WFDC1: variants seen among roughly 807,000 people sequenced by gnomAD.
WFDC1 encodes the protein WAP four-disulfide core domain 1.
Under a neutral mutation model 32.9 loss-of-function variants are expected in WFDC1, and 39 were observed. The ratio of observed to expected loss-of-function variants is 1.19; its 90% CI spans 0.92 to 1.55. The LOEUF (loss-of-function observed/expected upper bound fraction) is 1.55. Ranked by LOEUF, WFDC1 falls within the 40% of genes most tolerant of loss-of-function variation. The pLI is 0.00. For synonymous variants in WFDC1, 184 were observed against 137.4 expected, an observed-to-expected ratio of 1.34 and a Z score of -2.37; for missense variants, 386 against 309.5, an observed-to-expected ratio of 1.25 and a Z score of -1.85.
chr16:84,313,480 G>A (rs388905), intron 2 of WFDC1, among the ~76,000 whole-genome samples: 105,185 of 152,112 alleles, frequency 0.69, 36,845 homozygotes, highest in East Asian at 0.98. Context: ...CCCATTCCCG[G>A]GAAAATGCCC....
chr16:84,325,046 T>C (rs1417822292), intron 5 of WFDC1, among the ~76,000 whole-genome samples: 1 of 151,970 alleles, frequency 6.6e-6, no homozygotes, highest in Non-Finnish European at 1.5e-5. Context: ...CATCTATCTT[T>C]TCACCCACCC....
At chr16:84,299,671 C>T (rs1906819357) in intron 1 of WFDC1, among the ~76,000 whole-genome samples, 1 of 152,218 alleles carries the variant, frequency 6.6e-6, no homozygotes, top group Non-Finnish European at 1.5e-5. Context: ...ACCATGCGGG[C>T]CTCGGTGCTA....
intron 1 of WFDC1, among the ~76,000 whole-genome samples, chr16:84,299,378 A>T (rs1173957819): frequency 6.6e-6 from 1 of 151,468 alleles, no homozygotes; most frequent in Non-Finnish European, 1.5e-5. Flanking sequence ...AAAACAAAAA[A>T]CAAAAAGCAA....
At chr16:84,327,169 G>T (rs1409492254) in intron 6 of WFDC1, 3 of 549,380 alleles carry the variant, frequency 5.5e-6, no homozygotes, top group Non-Finnish European at 9.8e-6. Flanking sequence ...TATATGCACT[G>T]TATGCCATAG....
At chr16:84,327,121 T>C (rs1908651356) in intron 6 of WFDC1, 166 bp downstream of exon 6, 4 of 647,926 alleles carry the variant, frequency 6.2e-6, no homozygotes, top group South Asian at 1.8e-5. Context: ...ACGTCATCAA[T>C]AGGTTCTTGG....
At chr16:84,327,623 T>C (rs540275964) in intron 6 of WFDC1, 2 of 152,402 alleles carry the variant, frequency 1.3e-5, no homozygotes, top group African/African-American at 4.8e-5. Flanking sequence ...TACTGCAATT[T>C]CAAGGCAGGA....
intron 5 of WFDC1, among the ~76,000 whole-genome samples, chr16:84,325,015 T>C (rs543528204): frequency 3.3e-5 from 5 of 151,448 alleles, no homozygotes; most frequent in African/African-American, 9.7e-5. Context: ...ATCCACCCAT[T>C]CATCCATCCA....
At chr16:84,312,651 T>C (rs1907700597) in intron 1 of WFDC1, among the ~76,000 whole-genome samples, 1 of 152,170 alleles carries the variant, frequency 6.6e-6, no homozygotes, top group Non-Finnish European at 1.5e-5. Flanking sequence ...ATATTATGTA[T>C]TATGTATCAT....
At chr16:84,314,692 C>T (rs950763797) in intron 2 of WFDC1, among the ~76,000 whole-genome samples, 2 of 152,332 alleles carry the variant, frequency 1.3e-5, no homozygotes, top group African/African-American at 2.4e-5. Flanking sequence ...AGGAACTGGC[C>T]GCTGCTCCAG....
chr16:84,308,992 G>A (rs1005540383), intron 1 of WFDC1, among the ~76,000 whole-genome samples: 1 of 152,346 alleles, frequency 6.6e-6, no homozygotes, highest in Admixed American at 6.5e-5. Context: ...TCTGTAGGGA[G>A]AAACTGATGC....
intron 4 of WFDC1, among the ~76,000 whole-genome samples, chr16:84,323,465 C>T (rs907972320): frequency 3.9e-5 from 6 of 152,184 alleles, no homozygotes; most frequent in East Asian, 3.8e-4. Flanking sequence ...GTGGGTAGCA[C>T]GGCTAGTCAT....
chr16:84,296,356 C>T (rs1906596690), intron 1 of WFDC1, among the ~76,000 whole-genome samples: 1 of 152,174 alleles, frequency 6.6e-6, no homozygotes, highest in South Asian at 2.1e-4. Flanking sequence ...ATGTGTGCCC[C>T]TGGTGCCTGC....
In WFDC1 at chr16:84,305,393, G is replaced by A. The variant is rs368964085; in HGVS notation, c.145-7568G>A. Among the ~76,000 whole-genome samples the A allele has an allele frequency of 5.3e-5, 8 of 152,234 alleles. No individual in the cohort carries two copies. In the East Asian group the frequency reaches 7.7e-4, roughly 15 times the overall value. On this transcript the variant is annotated intron_variant, in intron 1 of 6. Transcript: ENST00000219454. ...TTGCACATGCTGGGTGGCTGTTTCC[G>A]CATGGCCCCTTCTCTTAGGAACTCT...
intron 1 of WFDC1, among the ~76,000 whole-genome samples, chr16:84,309,598 G>A (rs866943203): frequency 6.6e-6 from 1 of 152,084 alleles, no homozygotes; most frequent in East Asian, 1.9e-4. Flanking sequence ...GGGTGGGAGG[G>A]GTGGTTAAGC....
chr16:84,296,438 T>C (rs1906601661), intron 1 of WFDC1, among the ~76,000 whole-genome samples: 2 of 152,182 alleles, frequency 1.3e-5, no homozygotes, highest in Admixed American at 1.3e-4. Context: ...GGGATGCGTG[T>C]GCAGCTCTTC....
At chr16:84,318,534 G>C in intron 3 of WFDC1, 179 bp downstream of exon 3, 1 of 614,214 alleles carries the variant, frequency 1.6e-6, no homozygotes, top group Non-Finnish European at 2.9e-6. Flanking sequence ...CTGGGGGCTT[G>C]GCCAGAATCA....
intron 3 of WFDC1, chr16:84,319,174 C>T (rs746611765): frequency 5.6e-6 from 3 of 536,400 alleles, no homozygotes; most frequent in Admixed American, 3.4e-5. Context: ...TGTTGCTGAG[C>T]CTGTGAGAGT....
At chr16:84,296,611 A>G (rs79588569) in intron 1 of WFDC1, among the ~76,000 whole-genome samples, 2,047 of 152,316 alleles carry the variant, frequency 0.013, 44 homozygotes, top group African/African-American at 0.047. Context: ...CTGGGCCTCC[A>G]GGGCTCATAT....
intron 4 of WFDC1, 90 bp downstream of exon 4, chr16:84,319,661 C>T: frequency 6.6e-7 from 1 of 1,521,158 alleles, no homozygotes; most frequent in Non-Finnish European, 8.8e-7. Flanking sequence ...CGACCTGCCC[C>T]AGGAAGCAGC....
Sources: allele counts gnomAD v4.1 joint callset (sites outside exome capture counted in the v4.1 genomes callset), GRCh38; gene constraint gnomAD v4.1.1; transcripts MANE v1.5; gene names NCBI Gene and HGNC (gene_info 2026-07-23, HGNC 2026-07-21).